Variants in MROH1 observed in about 807,000 individuals in gnomAD.
MROH1 encodes the protein maestro heat-like repeat-containing protein family member 1.
MROH1 carries 117 observed loss-of-function variants against 116.5 expected under a neutral mutation model. That is an observed-to-expected ratio of 1.00 (90% CI 0.86 to 1.17). The LOEUF (loss-of-function observed/expected upper bound fraction) is 1.17, where lower values mean the gene tolerates loss of function less well. MROH1 is among the 50% of genes most tolerant of loss of function. The pLI is 0.00. For missense variants in MROH1, 1,873 were observed against 1,338.5 expected, an observed-to-expected ratio of 1.40 and a Z score of -6.23; for synonymous variants, 921 against 583.9, an observed-to-expected ratio of 1.58 and a Z score of -8.32.
chr8:144,179,409 G>T, intron 4 of MROH1, 46 bp from the exon 5 acceptor site: 1 of 1,604,518 alleles, frequency 6.2e-7, no homozygotes. Flanking sequence ...AGAGTGTCTG[G>T]GTGTGGGGCT....
intron 7 of MROH1, among the ~76,000 whole-genome samples, chr8:144,184,258 G>A (rs552902798): frequency 1.6e-4 from 25 of 152,252 alleles, no homozygotes; most frequent in South Asian, 1.0e-3. Flanking sequence ...GAATGTTTGC[G>A]TCCCAGTCAG....
In MROH1 at chr8:144,244,471, C is replaced by A; in HGVS notation, c.2698C>A (p.Leu900Ile). 1 of 772,220 alleles carries A rather than the reference C, an allele frequency of 1.3e-6. No homozygotes were observed. The highest frequency in any genetic ancestry group is 2.4e-5 in the East Asian group (1 of 40,828). The allele number at this position is 772,220 out of a possible 1,614,324, so 47.8% of individuals were successfully genotyped here. ...KSLYLETLHALEDLLTSLLQR... is the reference protein window; with the variant it reads ...KSLYLETLHAIEDLLTSLLQR... ...CCTGTATCTGGAGACACTGCACGCC[C>A]TTGAGGATCTGCTGACGAGCCTCCT... The change falls in exon 28 of 44, where the codon CTT becomes ATT. Residue 900 changes from leucine (L) to isoleucine (I), a missense_variant. Transcript: ENST00000326134.
At chr8:144,197,357 A>T (rs1040813646) in intron 10 of MROH1, among the ~76,000 whole-genome samples, 8 of 140,090 alleles carry the variant, frequency 5.7e-5, no homozygotes, top group Admixed American at 1.5e-4. Context: ...TCCCCACAAC[A>T]TGGTGGCTAG....
chr8:144,166,687 G>A (rs1255256337), intron 3 of MROH1, among the ~76,000 whole-genome samples: 5 of 152,090 alleles, frequency 3.3e-5, no homozygotes, highest in East Asian at 1.9e-4. Context: ...GGTGAGAAGC[G>A]TCTGTGAGTA....
At chr8:144,162,214 A>G (rs1003831657) in intron 2 of MROH1, among the ~76,000 whole-genome samples, 1 of 149,676 alleles carries the variant, frequency 6.7e-6, no homozygotes, top group Non-Finnish European at 1.5e-5. Flanking sequence ...CCTCCTGAGT[A>G]GCTGGGATTA....
chr8:144,259,496 C>G (rs893071322), intron 37 of MROH1, 142 bp downstream of exon 37: 1 of 681,456 alleles, frequency 1.5e-6, no homozygotes, highest in Non-Finnish European at 2.7e-6. Flanking sequence ...GCTACCTCCT[C>G]CCCCATGCCA....
chr8:144,261,054 G>A lies in MROH1; in HGVS notation c.4671+13G>A. On this transcript the variant is annotated intron_variant, in intron 41 of 43. Coordinates refer to ENST00000326134, the MANE Select transcript of MROH1 (RefSeq NM_032450.3). ...CTGCAAGCACCTGGTGAGGGGTGGG[G>A]CCAGGCGGGGCGTGGTGGGTGGGGC... The A allele has an allele frequency of 4.3e-6, 2 of 467,984 alleles. No homozygotes were observed. Among genetic ancestry groups the A allele is most frequent in the Non-Finnish European group, 4.3e-6 (1 of 231,248 alleles). 29.0% of individuals were successfully genotyped at this position (467,984 alleles called of 1,614,324 possible).
At chr8:144,258,568 C>G (rs1844366698) in intron 35 of MROH1, among the ~76,000 whole-genome samples, 1 of 152,190 alleles carries the variant, frequency 6.6e-6, no homozygotes, top group Admixed American at 6.5e-5. Context: ...TAGCTCACCT[C>G]CAAGCCAACA....
intron 14 of MROH1, among the ~76,000 whole-genome samples, chr8:144,227,071 A>G (rs970053174): frequency 9.2e-5 from 14 of 152,180 alleles, no homozygotes; most frequent in African/African-American, 3.1e-4. Context: ...CTAACTGTTC[A>G]TCGTTAGCAT....
At chr8:144,218,487 C>T (rs1337931211) in intron 12 of MROH1, among the ~76,000 whole-genome samples, 1 of 151,780 alleles carries the variant, frequency 6.6e-6, no homozygotes, top group Non-Finnish European at 1.5e-5. Flanking sequence ...TTTTTTTTCA[C>T]ATCTTTCGTC....
chr8:144,153,550 T>C (rs1817356545), intron 1 of MROH1, among the ~76,000 whole-genome samples: 1 of 152,134 alleles, frequency 6.6e-6, no homozygotes, highest in Non-Finnish European at 1.5e-5. Context: ...TTTTCTTTGT[T>C]TTATTTTTAT....
At chr8:144,250,542 C>T (rs1223789890) in intron 33 of MROH1, 176 bp downstream of exon 33, 3 of 677,000 alleles carry the variant, frequency 4.4e-6, no homozygotes, top group Admixed American at 2.1e-5. Context: ...TCTCAGGTAC[C>T]CACGGGGACC....
At chr8:144,155,966 C>T (rs1194930741) in intron 1 of MROH1, among the ~76,000 whole-genome samples, 4 of 146,078 alleles carry the variant, frequency 2.7e-5, no homozygotes, top group Admixed American at 6.8e-5. Flanking sequence ...AGGCCGGGCG[C>T]GGTGGCTCAC....
intron 14 of MROH1, among the ~76,000 whole-genome samples, chr8:144,223,973 C>G (rs551360047): frequency 6.6e-6 from 1 of 152,216 alleles, no homozygotes; most frequent in African/African-American, 2.4e-5. Flanking sequence ...GATGTTGCCT[C>G]TAAGTGCGTG....
chr8:144,245,078 G>C (rs2133021925), intron 28 of MROH1, 78 bp from the exon 29 acceptor site: 1 of 775,938 alleles, frequency 1.3e-6, no homozygotes, highest in African/African-American at 1.7e-5. Context: ...GGGACACTGA[G>C]CTGGCCCACG....
intron 36 of MROH1, 91 bp from the exon 37 acceptor site, chr8:144,259,149 G>A: frequency 2.9e-6 from 2 of 697,010 alleles, no homozygotes; most frequent in South Asian, 1.5e-5. Flanking sequence ...AGCTGGCGGT[G>A]GAGCGGACCA....
In MROH1 at chr8:144,220,640, C is replaced by T; in HGVS notation, c.1182C>T (p.Ser394=). 1 of 1,579,066 alleles carries T rather than the reference C, an allele frequency of 6.3e-7. No homozygotes were observed. Among genetic ancestry groups the T allele is most frequent in the Non-Finnish European group, 8.6e-7 (1 of 1,162,592 alleles). ...ATAAAAAGCCCTTTATCCTGTCTTC[C>T]ATGAGGCTTCCTCTCCTGGACACCA... ...MEDKKPFILS[S]MRLPLLDTNS... is the part of the protein sequence containing the mutation. The change falls in exon 13 of 44, where the codon TCC becomes TCT. Residue 394 remains serine (S), a synonymous_variant. Coordinates refer to ENST00000326134, the MANE Select transcript of MROH1 (RefSeq NM_032450.3).
At chr8:144,226,525 T>G (rs758348777) in intron 14 of MROH1, among the ~76,000 whole-genome samples, 9 of 152,138 alleles carry the variant, frequency 5.9e-5, no homozygotes, top group Non-Finnish European at 1.0e-4. Context: ...CCATGCTGGC[T>G]CACTGCAGCC....
In MROH1 at chr8:144,244,289, A is replaced by G; in HGVS notation, c.2623A>G (p.Met875Val). 1.4e-6 allele frequency: 1 copy of G among 719,440 alleles called. No homozygotes were observed. Among genetic ancestry groups the G allele is most frequent in the South Asian group, 1.5e-5 (1 of 67,628 alleles). 44.6% of individuals were successfully genotyped at this position (719,440 alleles called of 1,614,324 possible). A position where few individuals can be genotyped will look rare whatever the true frequency, so the allele number is the denominator to read the frequency against. Residue 875 changes from methionine (M) to valine (V), a missense_variant, in exon 27 of 44, where the codon ATG becomes GTG. Met to Val is a conservative substitution (Grantham distance 21, BLOSUM62 1). Transcript: ENST00000326134. ...GATCCATGGCTGCCTGCACAGCATC[A>G]TGGCCCTGCTGCCTGAGCCCAAGGA... ...DVIHGCLHSI[M>V]ALLPEPKEED... is the part of the protein sequence containing the mutation.
Sources: gnomAD v4.1 joint callset for allele counts (sites outside exome capture counted in the v4.1 genomes callset) on GRCh38, gnomAD v4.1.1 for gene constraint, MANE v1.5 for transcripts, NCBI Gene and HGNC (gene_info 2026-07-23, HGNC 2026-07-21) for gene names.